Variants in BCAP29 observed in about 807,000 individuals in gnomAD.
BCAP29 encodes B cell receptor associated protein 29.
BCAP29 carries 34 observed loss-of-function variants against 31.8 expected under a neutral mutation model. The ratio of observed to expected loss-of-function variants is 1.07; its 90% CI spans 0.81 to 1.42. The LOEUF (loss-of-function observed/expected upper bound fraction) is 1.42. Ranked by LOEUF, BCAP29 falls within the 40% of genes most tolerant of loss-of-function variation. BCAP29 has a pLI of 0.00. For synonymous variants in BCAP29, 104 were observed against 91.3 expected (o/e 1.14, Z -0.79); for missense variants, 314 against 269.2 (o/e 1.17, Z -1.16).
At chr7:107,612,641 A>AG (rs957791752) in intron 6 of BCAP29, among the ~76,000 whole-genome samples, 3 of 151,858 alleles carry the variant, frequency 2.0e-5, no homozygotes, top group Non-Finnish European at 4.4e-5. Flanking sequence ...AAAACCAGTG[A>AG]GGGACAGAGG....
intron 7 of BCAP29, among the ~76,000 whole-genome samples, chr7:107,617,465 C>T (rs1814396484): frequency 6.6e-6 from 1 of 152,002 alleles, no homozygotes; most frequent in African/African-American, 2.4e-5. Context: ...TGCCCTGCCT[C>T]TCTTCTAAAA....
chr7:107,618,563 TAAG>T lies in BCAP29; in HGVS notation c.*203_*205del. 1 of 1,596,720 alleles carries T rather than the reference TAAG, an allele frequency of 6.3e-7. No individual in the cohort carries two copies. The highest frequency in any genetic ancestry group is 8.6e-7 in the Non-Finnish European group (1 of 1,165,932). ...ATTGCAAAGTCTGTATTCCAGCTCT[TAAG>T]AAAAATATAAGCATGTTAAATACCA... On this transcript the variant is annotated 3_prime_UTR_variant, in exon 8 of 8. Transcript: ENST00000005259.
chr7:107,585,337 C>T (rs1420072205), intron 3 of BCAP29, among the ~76,000 whole-genome samples: 1 of 152,144 alleles, frequency 6.6e-6, no homozygotes, highest in Non-Finnish European at 1.5e-5. Flanking sequence ...TTGTCAAAAA[C>T]AGAAAGGTGT....
At chr7:107,596,929 CTGTT>C (rs1809947297) in intron 5 of BCAP29, among the ~76,000 whole-genome samples, 2 of 152,154 alleles carry the variant, frequency 1.3e-5, no homozygotes, top group East Asian at 1.9e-4. Context: ...TTTATTCTTT[CTGTT>C]TGTTTGTTTT....
intron 2 of BCAP29, among the ~76,000 whole-genome samples, chr7:107,583,432 A>C (rs546728720): frequency 4.6e-5 from 7 of 152,246 alleles, no homozygotes; most frequent in African/African-American, 1.7e-4. Flanking sequence ...TTTTAGTTGG[A>C]GTATACGTTA....
chr7:107,591,656 A>ACACACACACACACACACACACACACACCC, intron 3 of BCAP29, among the ~76,000 whole-genome samples: 7 of 136,074 alleles, frequency 5.1e-5, no homozygotes, highest in Admixed American at 3.7e-4. Context: ...ACACACACAC[A>ACACACACACACACACACACACACACACCC]CCCTATTGGT....
chr7:107,599,003 C>T (rs543994967), intron 5 of BCAP29, among the ~76,000 whole-genome samples: 238 of 10,308 alleles, frequency 0.023, 6 homozygotes, highest in African/African-American at 0.12. Context: ...ATTTATAGAT[C>T]TACAAATTTA....
intron 5 of BCAP29, among the ~76,000 whole-genome samples, chr7:107,596,648 A>G (rs911655252): frequency 6.6e-5 from 10 of 152,224 alleles, no homozygotes; most frequent in African/African-American, 1.2e-4. Flanking sequence ...AAAATTATAC[A>G]CATCATTTTG....
chr7:107,615,822 T>A (rs1297201756), intron 7 of BCAP29: 1 of 156,802 alleles, frequency 6.4e-6, no homozygotes, highest in Non-Finnish European at 1.4e-5. Context: ...AGCACTTGGC[T>A]AAGGGCTTCG....
chr7:107,612,435 A>ATT (rs1563141515), intron 6 of BCAP29, among the ~76,000 whole-genome samples: 1,166 of 79,164 alleles, frequency 0.015, 105 homozygotes, highest in African/African-American at 0.048. Context: ...ATATATATAT[A>ATT]TATATTTATT....
chr7:107,599,116 A>G (rs1011881244), intron 5 of BCAP29, among the ~76,000 whole-genome samples: 13 of 132,322 alleles, frequency 9.8e-5, no homozygotes, highest in Non-Finnish European at 1.9e-4. Context: ...ATTTATAAAT[A>G]TATAAATATA....
At chr7:107,591,024 A>C (rs764805883) in intron 3 of BCAP29, among the ~76,000 whole-genome samples, 1 of 152,180 alleles carries the variant, frequency 6.6e-6, no homozygotes, top group Non-Finnish European at 1.5e-5. Flanking sequence ...TTCCTTTTCT[A>C]AGTACACCAA....
intron 3 of BCAP29, among the ~76,000 whole-genome samples, chr7:107,586,100 G>A (rs1315096801): frequency 6.6e-6 from 1 of 152,186 alleles, no homozygotes; most frequent in African/African-American, 2.4e-5. Context: ...CCAAATTCCA[G>A]GGAGGGATTA....
intron 3 of BCAP29, among the ~76,000 whole-genome samples, chr7:107,588,631 CATTT>C (rs1808156481): frequency 6.6e-6 from 1 of 152,140 alleles, no homozygotes; most frequent in Non-Finnish European, 1.5e-5. Flanking sequence ...GGTGTGATCA[CATTT>C]ATATAGCCTT....
intron 4 of BCAP29, 110 bp downstream of exon 4, chr7:107,594,215 C>G (rs538802941): frequency 2.0e-6 from 2 of 1,002,848 alleles, no homozygotes; most frequent in East Asian, 2.6e-5. Flanking sequence ...GAGAGACAAC[C>G]TTTCGCTCTG....
intron 3 of BCAP29, among the ~76,000 whole-genome samples, chr7:107,591,119 A>C (rs1003967911): frequency 6.6e-6 from 1 of 152,184 alleles, no homozygotes; most frequent in Admixed American, 6.5e-5. Context: ...GCTGAAAGAA[A>C]ATCAAAATAA....
intron 6 of BCAP29, among the ~76,000 whole-genome samples, chr7:107,606,314 A>G (rs1042576154): frequency 3.9e-5 from 6 of 152,250 alleles, no homozygotes; most frequent in African/African-American, 1.4e-4. Flanking sequence ...TCTATTATAT[A>G]GCTCCAAATA....
intron 7 of BCAP29, among the ~76,000 whole-genome samples, chr7:107,614,117 C>G (rs1813708091): frequency 6.6e-6 from 1 of 152,218 alleles, no homozygotes; most frequent in Non-Finnish European, 1.5e-5. Flanking sequence ...GGCCTTCCCT[C>G]CCAGTTTCTC....
downstream of BCAP29, chr7:107,622,619 G>A (rs542926023): frequency 1.3e-5 from 2 of 152,360 alleles, no homozygotes; most frequent in East Asian, 3.9e-4. Context: ...TCTCCTCAGT[G>A]ATTAACACAG....
Sources: gnomAD v4.1 joint callset for allele counts (sites outside exome capture counted in the v4.1 genomes callset) on GRCh38, gnomAD v4.1.1 for gene constraint, MANE v1.5 for transcripts, NCBI Gene and HGNC (gene_info 2026-07-23, HGNC 2026-07-21) for gene names.